The following ROR1 variants were observed in gnomAD, a reference collection of about 807,000 sequenced individuals.
ROR1 encodes the protein ROR family WNT receptor 1.
ROR1 carries 19 observed loss-of-function variants against 78.8 expected under a neutral mutation model. The observed-to-expected ratio is 0.24, with a 90% CI of 0.17 to 0.35. The LOEUF (loss-of-function observed/expected upper bound fraction) is 0.35. ROR1 is among the 10% of genes least tolerant of loss of function. The pLI, the probability that ROR1 is intolerant of heterozygous loss-of-function variation, is 1.00. For synonymous variants in ROR1, 386 were observed against 433.6 expected (o/e 0.89, Z 1.36); for missense variants, 917 against 1,177.8 (o/e 0.78, Z 3.24).
intron 1 of ROR1, among the ~76,000 whole-genome samples, chr1:63,829,565 T>G (rs1278650935): frequency 6.6e-6 from 1 of 152,028 alleles, no homozygotes; most frequent in Non-Finnish European, 1.5e-5. Context: ...ATTGATGGCA[T>G]GGAGAGTATT....
At chr1:64,089,730 G>C (rs1647180265) in intron 4 of ROR1, among the ~76,000 whole-genome samples, 1 of 152,138 alleles carries the variant, frequency 6.6e-6, no homozygotes, top group African/African-American at 2.4e-5. Context: ...TTTGAATGCA[G>C]GAAAAGGTTT....
rs138998154 is a variant in ROR1 at position 64,052,093 on chromosome 1, G to A, written c.482+1377G>A. ...CTTTAAAATCACTCAAGTGCTAATT[G>A]CATTCTACTTGCCCAGGTAGAAAAT... On this transcript the variant is annotated intron_variant, in intron 4 of 8. Transcript: ENST00000371079. 1.6e-3 allele frequency among the ~76,000 whole-genome samples: 240 copies of A among 152,034 alleles called. 2 individuals are homozygous for A. The highest frequency in any genetic ancestry group is 0.013 in the East Asian group (66 of 5,170).
intron 4 of ROR1, among the ~76,000 whole-genome samples, chr1:64,128,855 GAAGATGATGTAAGGATATTGTA>G (rs1323813880): frequency 3.9e-5 from 6 of 152,192 alleles, no homozygotes; most frequent in African/African-American, 9.7e-5. Context: ...TGAGGCAGGA[GAAGATGATGTAAGGATATTGTA>G]AAGATGCCAG....
chr1:63,844,356 C>A (rs1030247957), intron 1 of ROR1, among the ~76,000 whole-genome samples: 1 of 152,184 alleles, frequency 6.6e-6, no homozygotes, highest in Non-Finnish European at 1.5e-5. Context: ...TGGCTTCACG[C>A]TGGTTAGGCA....
chr1:63,794,883 A>T (rs2100244153), intron 1 of ROR1, among the ~76,000 whole-genome samples: 1 of 152,276 alleles, frequency 6.6e-6, no homozygotes, highest in African/African-American at 2.4e-5. Context: ...TCACGCACTC[A>T]TGAAACTGGT....
intron 7 of ROR1, among the ~76,000 whole-genome samples, chr1:64,154,643 T>C (rs1376442932): frequency 6.6e-6 from 1 of 152,224 alleles, no homozygotes; most frequent in African/African-American, 2.4e-5. Flanking sequence ...TTGAATATCA[T>C]TGTAAAAATA....
intron 8 of ROR1, among the ~76,000 whole-genome samples, chr1:64,170,578 A>T (rs1407118091): frequency 6.6e-6 from 1 of 152,188 alleles, no homozygotes; most frequent in Non-Finnish European, 1.5e-5. Flanking sequence ...GGTGATTAAC[A>T]TTTGGCTTCT....
chr1:64,170,597 A>G (rs2100740148), intron 8 of ROR1, among the ~76,000 whole-genome samples: 2 of 152,296 alleles, frequency 1.3e-5, no homozygotes, highest in South Asian at 4.1e-4. Context: ...CTCATTACTT[A>G]TGCAAATTTC....
intron 8 of ROR1, among the ~76,000 whole-genome samples, chr1:64,170,321 A>C (rs1056208153): frequency 2.0e-5 from 3 of 152,076 alleles, no homozygotes; most frequent in African/African-American, 7.2e-5. Flanking sequence ...CAGGCTCAAC[A>C]CCACATGGAA....
intron 1 of ROR1, chr1:63,843,536 C>T (rs1367581086): frequency 1.3e-6 from 1 of 747,106 alleles, no homozygotes; most frequent in East Asian, 3.4e-5. Context: ...TCTTCTTGGT[C>T]TCCTCCAGGA....
At chr1:64,142,842 A>G (rs1569847834) in intron 7 of ROR1, 192 bp downstream of exon 7, 3 of 1,415,366 alleles carry the variant, frequency 2.1e-6, no homozygotes, top group East Asian at 5.2e-5. Context: ...CACGTTCTCA[A>G]GAAGTCAACT....
intron 2 of ROR1, among the ~76,000 whole-genome samples, chr1:64,040,249 C>T (rs1247250418): frequency 6.6e-6 from 1 of 151,990 alleles, no homozygotes; most frequent in African/African-American, 2.4e-5. Context: ...AATATTTCAC[C>T]AAAACTCAAG....
intron 1 of ROR1, among the ~76,000 whole-genome samples, chr1:63,999,755 T>C (rs1275651890): frequency 6.6e-6 from 1 of 152,224 alleles, no homozygotes; most frequent in Non-Finnish European, 1.5e-5. Flanking sequence ...AAACTCCAAA[T>C]GAACATAAGG....
At chr1:63,874,593 T>C (rs1000428489) in intron 1 of ROR1, among the ~76,000 whole-genome samples, 5 of 152,140 alleles carry the variant, frequency 3.3e-5, no homozygotes, top group East Asian at 1.9e-4. Context: ...ACTTCTGAAG[T>C]ACAAAAGTTA....
chr1:63,914,137 G>C (rs541146001), intron 1 of ROR1, among the ~76,000 whole-genome samples: 5 of 152,230 alleles, frequency 3.3e-5, no homozygotes, highest in Admixed American at 6.5e-5. Context: ...GACTTCACTA[G>C]CTCTTGCTTT....
Position 64,015,049 on chromosome 1 carries a change from G to A in ROR1, c.163+5673G>A, listed in dbSNP as rs1746917. 1.3e-3 allele frequency among the ~76,000 whole-genome samples: 193 copies of A among 151,920 alleles called. 1 individual carries two copies. The highest frequency in any genetic ancestry group is 4.2e-3 in the African/African-American group (176 of 41,440). On this transcript the variant is annotated intron_variant, in intron 2 of 8. Transcript: ENST00000371079. ...CTGAGGAGGCCTCACAATCATAGGA[G>A]AAGGCAAGGAGGAACAAGTCAAGTC...
chr1:63,961,402 A>G, intron 1 of ROR1, among the ~76,000 whole-genome samples: 1 of 152,226 alleles, frequency 6.6e-6, no homozygotes, highest in East Asian at 1.9e-4. Context: ...TTATTGCTGC[A>G]GTATTCACAG....
intron 1 of ROR1, among the ~76,000 whole-genome samples, chr1:63,989,421 TC>T (rs1287428011): frequency 6.6e-6 from 1 of 152,188 alleles, no homozygotes; most frequent in Non-Finnish European, 1.5e-5. Context: ...ATATTTGCTC[TC>T]GTTTTTTTCG....
At chr1:64,015,821 C>A (rs576786538) in intron 2 of ROR1, among the ~76,000 whole-genome samples, 1 of 152,226 alleles carries the variant, frequency 6.6e-6, no homozygotes. Flanking sequence ...ATTGATAGCA[C>A]CATTTTCTTT....
Sources: allele counts gnomAD v4.1 joint callset (sites outside exome capture counted in the v4.1 genomes callset), GRCh38; gene constraint gnomAD v4.1.1; transcripts MANE v1.5; gene names NCBI Gene and HGNC (gene_info 2026-07-23, HGNC 2026-07-21).